The following OSBPL1A variants were observed in gnomAD, a reference collection of about 807,000 sequenced individuals.
OSBPL1A encodes the protein oxysterol binding protein like 1A.
OSBPL1A carries 80 observed loss-of-function variants against 137.1 expected under a neutral mutation model. The observed-to-expected ratio is 0.58, with a 90% CI of 0.49 to 0.70. The LOEUF is 0.70. Ranked by LOEUF, OSBPL1A falls within the 30% of genes least tolerant of loss-of-function variation. The pLI is 0.00. For missense variants in OSBPL1A, 970 were observed against 1,129.4 expected (o/e 0.86, Z 2.02); for synonymous variants, 365 against 389.7 (o/e 0.94, Z 0.75).
chr18:24,394,901 A>T (rs16940692), intron 1 of OSBPL1A, among the ~76,000 whole-genome samples: 3 of 152,054 alleles, frequency 2.0e-5, no homozygotes, highest in Non-Finnish European at 4.4e-5. Context: ...TCTTCCTAGT[A>T]ATAGCATTAA....
intron 2 of OSBPL1A, among the ~76,000 whole-genome samples, chr18:24,374,748 G>A (rs910097339): frequency 3.9e-5 from 6 of 152,300 alleles, no homozygotes; most frequent in African/African-American, 1.4e-4. Context: ...GCCAACATGA[G>A]AGTCTCCTGA....
chr18:24,353,994 C>A (rs953805308), intron 4 of OSBPL1A, among the ~76,000 whole-genome samples: 1 of 151,282 alleles, frequency 6.6e-6, no homozygotes, highest in Non-Finnish European at 1.5e-5. Context: ...GTGCAGCACA[C>A]CAACATGGCA....
chr18:24,377,866 A>G (rs1162301589), intron 1 of OSBPL1A, among the ~76,000 whole-genome samples: 1 of 152,256 alleles, frequency 6.6e-6, no homozygotes, highest in Non-Finnish European at 1.5e-5. Context: ...AGTATTATGC[A>G]AATAGTTATT....
chr18:24,358,596 T>A lies in OSBPL1A; in HGVS notation c.282+8296A>T, dbSNP rs977211995. On this transcript the variant is annotated intron_variant, in intron 4 of 27. Coordinates refer to ENST00000319481, the MANE Select transcript of OSBPL1A (RefSeq NM_080597.4). ...CGTGTCAAGTTGTCTGGGCATCGCC[T>A]GAAACACAGTAGGCCTTCAATACAT... 6 of 692,370 alleles carry A rather than the reference T, an allele frequency of 8.7e-6. No individual in the cohort carries two copies. The African/African-American group carries it at 8.8e-5, about 10-fold the overall frequency. The allele number at this position is 692,370 out of a possible 1,614,324, so 42.9% of individuals were successfully genotyped here.
At chr18:24,294,838 A>C (rs1351301292) in intron 14 of OSBPL1A, among the ~76,000 whole-genome samples, 1 of 152,218 alleles carries the variant, frequency 6.6e-6, no homozygotes, top group African/African-American at 2.4e-5. Flanking sequence ...GGTTGGTCCC[A>C]CATCTTTTGC....
chr18:24,376,005 C>T (rs1429610646), intron 2 of OSBPL1A, among the ~76,000 whole-genome samples: 2 of 152,136 alleles, frequency 1.3e-5, no homozygotes, highest in African/African-American at 4.8e-5. Context: ...AGCTGCAGAC[C>T]TTCGCAGTGA....
chr18:24,179,443 AAAAAC>A (rs1476386797), intron 20 of OSBPL1A: 6 of 345,484 alleles, frequency 1.7e-5, no homozygotes, highest in South Asian at 1.5e-4. Context: ...AGTAAAAAAA[AAAAAC>A]AAAACAAAAC....
intron 17 of OSBPL1A, among the ~76,000 whole-genome samples, chr18:24,213,316 C>G (rs1368984893): frequency 6.6e-6 from 1 of 152,152 alleles, no homozygotes; most frequent in Non-Finnish European, 1.5e-5. Context: ...GCCTGTAATC[C>G]TAGCACTTTG....
At chr18:24,310,279 T>C (rs2090592349) in intron 13 of OSBPL1A, among the ~76,000 whole-genome samples, 1 of 151,268 alleles carries the variant, frequency 6.6e-6, no homozygotes, top group Non-Finnish European at 1.5e-5. Context: ...ACCTGAAAAT[T>C]TGAAAATTAT....
intron 14 of OSBPL1A, among the ~76,000 whole-genome samples, chr18:24,292,923 G>T (rs865795094): frequency 6.6e-6 from 1 of 151,710 alleles, no homozygotes; most frequent in African/African-American, 2.4e-5. Flanking sequence ...CTGCCCAAAA[G>T]GGAGAAACTC....
intron 18 of OSBPL1A, among the ~76,000 whole-genome samples, chr18:24,190,987 G>T (rs897195652): frequency 1.3e-5 from 2 of 152,162 alleles, no homozygotes; most frequent in African/African-American, 4.8e-5. Context: ...TGAGATAAAA[G>T]CATTTTATCA....
intron 18 of OSBPL1A, among the ~76,000 whole-genome samples, chr18:24,185,008 T>G (rs1473584693): frequency 1.3e-5 from 2 of 152,112 alleles, no homozygotes; most frequent in Admixed American, 6.5e-5. Context: ...TAAAAAGAAA[T>G]GAGCTATCAA....
chr18:24,211,724 G>A (rs1055488525), intron 17 of OSBPL1A, among the ~76,000 whole-genome samples: 5 of 152,022 alleles, frequency 3.3e-5, no homozygotes, highest in African/African-American at 1.2e-4. Context: ...AGCACTTCAG[G>A]AGGCCGAGGT....
intron 17 of OSBPL1A, among the ~76,000 whole-genome samples, chr18:24,219,548 G>T (rs930904597): frequency 3.9e-5 from 6 of 152,098 alleles, no homozygotes; most frequent in African/African-American, 1.4e-4. Context: ...TAGCCTTACA[G>T]ATTATGGCTG....
chr18:24,347,350 AT>A (rs1423157495), intron 4 of OSBPL1A, among the ~76,000 whole-genome samples: 1 of 151,778 alleles, frequency 6.6e-6, no homozygotes, highest in Non-Finnish European at 1.5e-5. Context: ...CGCCCAGTTA[AT>A]TTTTGTACTT....
intron 15 of OSBPL1A, among the ~76,000 whole-genome samples, chr18:24,278,305 A>T (rs906555770): frequency 1.3e-5 from 2 of 152,216 alleles, no homozygotes; most frequent in Non-Finnish European, 2.9e-5. Flanking sequence ...CTTCCTCCCA[A>T]AACAAAATAA....
In OSBPL1A at chr18:24,311,557, T is replaced by C. The variant is rs1453620713; in HGVS notation, c.1092+427A>G. On this transcript the variant is annotated intron_variant, in intron 13 of 27. Coordinates refer to ENST00000319481, the MANE Select transcript of OSBPL1A (RefSeq NM_080597.4). Reference sequence around the variant, plus strand: ...TATCTCTTAGCAACCAAGCTACAGATTACAAGTGGTTTTAAAGGAAACCTA... The same window carrying C: ...TATCTCTTAGCAACCAAGCTACAGACTACAAGTGGTTTTAAAGGAAACCTA... 7.3e-6 allele frequency: 7 copies of C among 961,640 alleles called. No individual in the cohort carries two copies. In the East Asian group the frequency reaches 6.4e-4, roughly 88 times the overall value. 59.6% of individuals were successfully genotyped at this position (961,640 alleles called of 1,614,324 possible).
chr18:24,380,913 C>T (rs1253729551), intron 1 of OSBPL1A, among the ~76,000 whole-genome samples: 3 of 148,922 alleles, frequency 2.0e-5, no homozygotes, highest in Non-Finnish European at 4.4e-5. Context: ...GATTGTGCCA[C>T]TTCACTCCAG....
intron 1 of OSBPL1A, among the ~76,000 whole-genome samples, chr18:24,382,793 C>A (rs2146210774): frequency 6.6e-6 from 1 of 151,880 alleles, no homozygotes; most frequent in Non-Finnish European, 1.5e-5. Context: ...GAAGGATCAC[C>A]TGAGCTCAGG....
Sources: gnomAD v4.1 joint callset for allele counts (sites outside exome capture counted in the v4.1 genomes callset) on GRCh38, gnomAD v4.1.1 for gene constraint, MANE v1.5 for transcripts, NCBI Gene and HGNC (gene_info 2026-07-23, HGNC 2026-07-21) for gene names.